The following ATG7 variants were observed in gnomAD, a reference collection of about 807,000 sequenced individuals.
ATG7 encodes the protein ubiquitin-like modifier-activating enzyme ATG7.
ATG7 carries 70 observed loss-of-function variants against 82.4 expected under a neutral mutation model. That is an observed-to-expected ratio of 0.85 (90% CI 0.70 to 1.04). ATG7 has a LOEUF of 1.04. Among genes scored for constraint, ATG7 ranks in the 50% least tolerant of loss-of-function variants. The probability of loss-of-function intolerance (pLI) is 0.00; values close to 1 mark genes in which losing one functional copy is unlikely to be tolerated. For missense variants in ATG7, 792 were observed against 864.3 expected (o/e 0.92, Z 1.05); for synonymous variants, 287 against 313.0 (o/e 0.92, Z 0.88).
At chr3:11,422,035 G>A (rs989965918) in intron 19 of ATG7, among the ~76,000 whole-genome samples, 4 of 152,150 alleles carry the variant, frequency 2.6e-5, no homozygotes, top group African/African-American at 9.7e-5. Context: ...CCCAGATTTT[G>A]TTGTTTCGGT....
At position 11,348,025 on chromosome 3, in the gene ATG7, T is replaced by G. The variant is rs1475688975; in HGVS notation, c.1274T>G (p.Phe425Cys). Reference sequence around the variant, plus strand: ...GCAGCGGACCGGCTCCAGAAAATATTCCCCGGTGTGGTATGTTGTTGCTTT... The same window carrying G: ...GCAGCGGACCGGCTCCAGAAAATATGCCCCGGTGTGGTATGTTGTTGCTTT... Reference protein sequence around the residue: ...LAAADRLQKIFPGVNARGFNM... With the variant: ...LAAADRLQKICPGVNARGFNM... Residue 425 changes from phenylalanine (F) to cysteine (C), a missense_variant, in exon 14 of 21, where the codon TTC becomes TGC. Transcript: ENST00000693202. The G allele has an allele frequency of 6.2e-7, 1 of 1,613,654 alleles. No individual in the cohort carries two copies. The highest frequency in any genetic ancestry group is 8.5e-7 in the Non-Finnish European group (1 of 1,179,688).
At chr3:11,312,829 A>C (rs1301811967) in intron 7 of ATG7, among the ~76,000 whole-genome samples, 1 of 152,228 alleles carries the variant, frequency 6.6e-6, no homozygotes. Context: ...TAGTACATTA[A>C]GTATCTATGG....
the ATG7 span, among the ~76,000 whole-genome samples, chr3:11,576,280 T>C: frequency 6.6e-6 from 1 of 152,216 alleles, no homozygotes; most frequent in African/African-American, 2.4e-5. Flanking sequence ...AAAACAGATG[T>C]GTCCCACATT....
intron 14 of ATG7, among the ~76,000 whole-genome samples, chr3:11,351,851 CT>C (rs5846705): frequency 0.25 from 37,052 of 146,304 alleles, 5,778 homozygotes; most frequent in Non-Finnish European, 0.37. Flanking sequence ...AGTATAGTTT[CT>C]TTTTTTTTTT....
chr3:11,396,170 G>A (rs983910814), intron 19 of ATG7, among the ~76,000 whole-genome samples: 1 of 151,802 alleles, frequency 6.6e-6, no homozygotes, highest in Non-Finnish European at 1.5e-5. Context: ...CTCTAGGCCA[G>A]GCACAGTGGC....
At chr3:11,308,670 A>G in intron 6 of ATG7, 2 of 406,682 alleles carry the variant, frequency 4.9e-6, no homozygotes, top group Non-Finnish European at 9.1e-6. Context: ...TATATAGTAG[A>G]CAATAAGTAA....
At chr3:11,321,863 T>A (rs1214065097) in intron 9 of ATG7, among the ~76,000 whole-genome samples, 2 of 152,176 alleles carry the variant, frequency 1.3e-5, no homozygotes, top group East Asian at 3.9e-4. Flanking sequence ...CAAAGGAAAA[T>A]TTTCTTTGAT....
rs928366610 is a variant in ATG7, at chr3:11,554,991, A to G, written c.*148A>G. On this transcript the variant is annotated 3_prime_UTR_variant, in exon 21 of 21. Transcript: ENST00000693202. ...GGGATTCCCCCCTCTGCTGCCCAGG[A>G]GTGGCCAGTGTTCGGCGTTGCTCGG... is the stretch of plus-strand genomic sequence containing the variant. The G allele has an allele frequency of 5.0e-6, 5 of 1,007,430 alleles. No homozygotes were observed. Among genetic ancestry groups the G allele is most frequent in the African/African-American group, 1.6e-5 (1 of 60,918 alleles). The allele number at this position is 1,007,430 out of a possible 1,614,324, so 62.4% of individuals were successfully genotyped here.
intron 19 of ATG7, among the ~76,000 whole-genome samples, chr3:11,404,191 G>T (rs1207766365): frequency 7.3e-6 from 1 of 136,890 alleles, no homozygotes; most frequent in Non-Finnish European, 1.5e-5. Context: ...GGAGTGCAGT[G>T]GTGCGATCTT....
chr3:11,429,948 GAAAAAAA>G (rs542247546), intron 20 of ATG7, among the ~76,000 whole-genome samples: 4 of 126,182 alleles, frequency 3.2e-5, no homozygotes, highest in Non-Finnish European at 4.8e-5. Flanking sequence ...TCTGTCTCAG[GAAAAAAA>G]AAAAAAAAAA....
the ATG7 span, among the ~76,000 whole-genome samples, chr3:11,568,398 T>C: frequency 6.6e-6 from 1 of 152,136 alleles, no homozygotes; most frequent in Non-Finnish European, 1.5e-5. This position sits in a 1 kb window ranked among gnomAD's most constrained non-coding sequence, Gnocchi z 5.9. Context: ...TGCACCTAAA[T>C]CTGCCATCTA....
intron 20 of ATG7, among the ~76,000 whole-genome samples, chr3:11,449,108 C>T (rs2084860046): frequency 6.6e-6 from 1 of 152,216 alleles, no homozygotes; most frequent in Non-Finnish European, 1.5e-5. Flanking sequence ...AAATAACAGA[C>T]AAGCCTTCAA....
intron 19 of ATG7, among the ~76,000 whole-genome samples, chr3:11,422,289 G>A (rs1380121116): frequency 1.3e-5 from 2 of 152,178 alleles, no homozygotes; most frequent in African/African-American, 4.8e-5. Context: ...CTGTTGTTTA[G>A]CCACATTTCT....
At chr3:11,541,357 A>C (rs1370598208) in intron 20 of ATG7, among the ~76,000 whole-genome samples, 3 of 152,166 alleles carry the variant, frequency 2.0e-5, no homozygotes, top group Non-Finnish European at 4.4e-5. Context: ...TTACTGTGCC[A>C]CCTTTGTTGA....
intron 13 of ATG7, 21 bp downstream of exon 13, chr3:11,342,300 G>A (rs1385090339): frequency 6.2e-7 from 1 of 1,600,446 alleles, no homozygotes; most frequent in Non-Finnish European, 8.5e-7. Flanking sequence ...GGTGGGGGGT[G>A]CAAATGGCAC....
At chr3:11,573,345 AAGAAAGAAAGAAAG>A in the ATG7 span, among the ~76,000 whole-genome samples, 3 of 102,484 alleles carry the variant, frequency 2.9e-5, no homozygotes, top group African/African-American at 1.0e-4. Context: ...GAAAGAAAGA[AAGAAAGAAAGAAAG>A]AAAGAAAGAA....
At position 11,313,397 on chromosome 3, in the gene ATG7, G is replaced by C; in HGVS notation, c.505G>C (p.Asp169His). ...TCTCATTCAGGGGCCAGTGGGTTTG[G>C]ATCAAAGGTTTTCACTAAAACAGGT... Reference protein sequence around the residue: ...LPLIQGPVGLDQRFSLKQIEA... With the variant: ...LPLIQGPVGLHQRFSLKQIEA... Residue 169 changes from aspartate to histidine, a missense_variant, in exon 8 of 21, where the codon GAT becomes CAT. Physicochemically the swap from Asp to His is moderately conservative, Grantham distance 81. Transcript: ENST00000693202. The C allele has an allele frequency of 6.2e-7, 1 of 1,611,412 alleles. No homozygotes were observed. The highest frequency in any genetic ancestry group is 8.5e-7 in the Non-Finnish European group (1 of 1,178,572).
intron 19 of ATG7, among the ~76,000 whole-genome samples, chr3:11,415,758 C>CT (rs58976243): frequency 0.075 from 11,063 of 146,570 alleles, 1,209 homozygotes; most frequent in African/African-American, 0.24. Context: ...ATGCAGTTAA[C>CT]TTTTTTTTTT....
chr3:11,322,266 G>A (rs1950314683), intron 9 of ATG7, among the ~76,000 whole-genome samples: 1 of 152,112 alleles, frequency 6.6e-6, no homozygotes, highest in African/African-American at 2.4e-5. Context: ...TCCTTTTTCT[G>A]TTTTATCTTT....
Sources: allele counts gnomAD v4.1 joint callset (sites outside exome capture counted in the v4.1 genomes callset), GRCh38; gene constraint gnomAD v4.1.1; non-coding constraint Gnocchi (gnomAD v3.1); transcripts MANE v1.5; gene names NCBI Gene and HGNC (gene_info 2026-07-23, HGNC 2026-07-21).